The following CNOT2 variants were observed in gnomAD, a reference collection of about 807,000 sequenced individuals.
CNOT2 encodes CC chemokine receptor 4-negative regulator of transcription 2.
A neutral mutation model predicts 72.1 loss-of-function variants in CNOT2; 7 were observed. That is an observed-to-expected ratio of 0.10 (90% CI 0.06 to 0.18). CNOT2 has a LOEUF of 0.18. Ranked by LOEUF, CNOT2 falls within the 10% of genes least tolerant of loss-of-function variation. CNOT2 has a pLI of 1.00. For missense variants in CNOT2, 345 were observed against 660.3 expected, an observed-to-expected ratio of 0.52 and a Z score of 5.23; for synonymous variants, 196 against 225.6, an observed-to-expected ratio of 0.87 and a Z score of 1.17.
chr12:70,311,081 A>G (rs1565799217), intron 3 of CNOT2, 64 bp downstream of exon 3: 8 of 1,197,064 alleles, frequency 6.7e-6, no homozygotes, highest in Non-Finnish European at 9.7e-6. Flanking sequence ...TTCCTGAAAA[A>G]CAGCATATCA....
chr12:70,342,219 A>AGAATCAGT (rs1565832374), intron 12 of CNOT2, 39 bp from the exon 13 acceptor site: 1 of 1,612,962 alleles, frequency 6.2e-7, no homozygotes, highest in East Asian at 2.2e-5. Context: ...TTTACAATTG[A>AGAATCAGT]GAATCAGTTA....
intron 11 of CNOT2, among the ~76,000 whole-genome samples, chr12:70,339,364 C>T (rs968622311): frequency 2.0e-5 from 3 of 151,912 alleles, no homozygotes; most frequent in Admixed American, 1.3e-4. Flanking sequence ...ATTGATTCTT[C>T]GGTATTTTAA....
chr12:70,291,765 A>G (rs1193568867), intron 2 of CNOT2, among the ~76,000 whole-genome samples: 3 of 151,962 alleles, frequency 2.0e-5, no homozygotes, highest in South Asian at 2.1e-4. Context: ...GTGAAACCCC[A>G]TCTCTACTAA....
chr12:70,257,581 A>G (rs1958522806), intron 1 of CNOT2, among the ~76,000 whole-genome samples: 1 of 151,106 alleles, frequency 6.6e-6, no homozygotes, highest in Non-Finnish European at 1.5e-5. Context: ...GTTAGCCAGG[A>G]TGCTCTCGAT....
chr12:70,313,043 A>G (rs1321130460), intron 3 of CNOT2, among the ~76,000 whole-genome samples: 1 of 151,892 alleles, frequency 6.6e-6, no homozygotes, highest in Non-Finnish European at 1.5e-5. Context: ...TGTAATCACC[A>G]CTCTCCATGC....
At chr12:70,278,739 A>C (rs1021740692) in intron 2 of CNOT2, among the ~76,000 whole-genome samples, 3 of 152,158 alleles carry the variant, frequency 2.0e-5, no homozygotes, top group Non-Finnish European at 2.9e-5. Context: ...AGAGACCCAA[A>C]TTCTATTGAA....
intron 11 of CNOT2, among the ~76,000 whole-genome samples, chr12:70,341,127 C>G (rs1354120800): frequency 2.0e-5 from 3 of 152,080 alleles, no homozygotes; most frequent in African/African-American, 7.2e-5. Flanking sequence ...TTCAAGTGGT[C>G]TGCCCACCTT....
rs761390170 is a variant in CNOT2 at position 70,353,927 on chromosome 12, A to AT, written c.*12_*13insT. ...AGCAAGCCTTCTAAAAAAAAAAAAA[A>AT]AAAAAAAAAAAGACTTCCCTTTTCT... On this transcript the variant is annotated 3_prime_UTR_variant, in exon 16 of 16. Transcript: ENST00000229195. The AT allele has an allele frequency of 2.7e-5, 43 of 1,579,694 alleles. No homozygotes were observed. Among genetic ancestry groups the AT allele is most frequent in the Non-Finnish European group, 5.1e-6 (6 of 1,170,066 alleles).
rs557521202 is a variant in CNOT2 at position 70,259,403 on chromosome 12, G to A, written c.-96+15923G>A. 3.3e-5 allele frequency among the ~76,000 whole-genome samples: 5 copies of A among 152,026 alleles called. No individual in the cohort carries two copies. In the East Asian group the frequency reaches 7.7e-4, roughly 24 times the overall value. On this transcript the variant is annotated intron_variant, in intron 1 of 15. Transcript: ENST00000229195. ...AGTTTACATATAATACAAGGTACCC[G>A]TTTAAGTGTCCTTTTTTAAATTAGT...
chr12:70,342,999 G>A (rs912776218), intron 13 of CNOT2, among the ~76,000 whole-genome samples: 1 of 152,070 alleles, frequency 6.6e-6, no homozygotes, highest in African/African-American at 2.4e-5. Flanking sequence ...GTGGTCAAGT[G>A]GATGTTGATG....
chr12:70,305,403 G>C (rs80336742), intron 2 of CNOT2, among the ~76,000 whole-genome samples: 3,676 of 152,218 alleles, frequency 0.024, 144 homozygotes, highest in African/African-American at 0.083. Context: ...TTCCTTCTGC[G>C]ACACGTGGGG....
At chr12:70,325,141 T>C (rs1398837372) in intron 4 of CNOT2, among the ~76,000 whole-genome samples, 1 of 151,782 alleles carries the variant, frequency 6.6e-6, no homozygotes, top group Admixed American at 6.6e-5. Flanking sequence ...GAGTTAGATA[T>C]GAGTAGTAAA....
chr12:70,247,133 G>C (rs1957914447), intron 1 of CNOT2, among the ~76,000 whole-genome samples: 1 of 151,508 alleles, frequency 6.6e-6, no homozygotes, highest in African/African-American at 2.4e-5. Context: ...TGGACTATTT[G>C]CCACTTAACC....
At position 70,291,582 on chromosome 12, in the gene CNOT2, T is replaced by G. The variant is rs1163549448; in HGVS notation, c.48+13308T>G. The stretch of plus-strand genomic sequence containing the variant: ...GTTAACAGTGAAACCTTTAAAAGAT[T>G]TGGTTTGCTTTGTTAAAGCATTTCC... On this transcript the variant is annotated intron_variant, in intron 2 of 15. Transcript: ENST00000229195. Among the ~76,000 whole-genome samples, 7 of 152,202 alleles carry G rather than the reference T, an allele frequency of 4.6e-5. No homozygotes were observed. The South Asian group carries it at 8.3e-4, about 18-fold the overall frequency.
intron 2 of CNOT2, among the ~76,000 whole-genome samples, chr12:70,284,004 G>A (rs1042580222): frequency 5.2e-5 from 7 of 135,158 alleles, no homozygotes; most frequent in African/African-American, 2.0e-4. Flanking sequence ...TGGCGCGATC[G>A]CTGGAGTGCT....
rs757018617 is a variant in CNOT2, at chr12:70,337,440, A to G, written c.827A>G (p.His276Arg). ...ANEQSQDFSI[H>R]NEDFPALPGS... ...GAACAATCCCAGGACTTCTCAATAC[A>G]CAATGAAGATTTTCCAGCATTACCA... The change falls in exon 9 of 16, where the codon CAC (histidine) becomes CGC (arginine). Residue 276 changes from histidine (H) to arginine (R), a missense_variant. This residue lies in a region of CNOT2 where 128 missense variants were observed against 233.0 expected (regional missense o/e 0.55). Transcript: ENST00000229195. The G allele has an allele frequency of 2.5e-6, 4 of 1,609,672 alleles. No individual in the cohort carries two copies. The highest frequency in any genetic ancestry group is 2.2e-5 in the South Asian group (2 of 90,996).
Position 70,286,795 on chromosome 12 carries a change from T to G in CNOT2, c.48+8521T>G, listed in dbSNP as rs557224259. Among the ~76,000 whole-genome samples the G allele has an allele frequency of 3.3e-4, 46 of 139,860 alleles. 1 individual carries two copies. Among genetic ancestry groups the G allele is most frequent in the African/African-American group, 1.1e-3 (44 of 40,200 alleles). 91.8% of individuals were successfully genotyped at this position (139,860 alleles called of 152,430 possible). Reference sequence around the variant, plus strand: ...ATTGAGTTTGTAAGTGGAATTGCATTGACTTTAGTTTTCTTTGTGGAAGAA... The same window carrying G: ...ATTGAGTTTGTAAGTGGAATTGCATGGACTTTAGTTTTCTTTGTGGAAGAA... On this transcript the variant is annotated intron_variant, in intron 2 of 15. Transcript: ENST00000229195.
In CNOT2 at chr12:70,344,163, C is replaced by T. The variant is rs1254250403; in HGVS notation, c.1326C>T (p.Asp442=). ...TAAAACTTGGCCGATATGGTGAAGACCTTCTCTTCTATCTCTATTACATGA... is the reference window on the plus strand; with the variant it reads ...TAAAACTTGGCCGATATGGTGAAGATCTTCTCTTCTATCTCTATTACATGA... ...AAIKLGRYGE[D]LLFYLYYMNG... is the part of the protein sequence containing the mutation. Residue 442 remains aspartate, a synonymous_variant, in exon 14 of 16, where the codon GAC becomes GAT. Coordinates refer to ENST00000229195, the MANE Select transcript of CNOT2 (RefSeq NM_014515.7). 2 of 1,611,612 alleles carry T rather than the reference C, an allele frequency of 1.2e-6. No individual in the cohort carries two copies.
chr12:70,313,758 C>A (rs1214614063), intron 3 of CNOT2, among the ~76,000 whole-genome samples: 3 of 152,070 alleles, frequency 2.0e-5, no homozygotes, highest in Non-Finnish European at 2.9e-5. Context: ...TTTCTTAGTT[C>A]ATGTATCTTA....
Sources: allele counts gnomAD v4.1 joint callset (sites outside exome capture counted in the v4.1 genomes callset), GRCh38; gene constraint gnomAD v4.1.1; regional missense constraint gnomAD v4.1.1; transcripts MANE v1.5; gene names NCBI Gene and HGNC (gene_info 2026-07-23, HGNC 2026-07-21).